Variants in C12orf42 observed in about 807,000 individuals in gnomAD.
C12orf42 encodes chromosome 12 open reading frame 42, also known as uncharacterized protein C12orf42.
In C12orf42, 25 loss-of-function variants were observed where a neutral mutation model predicts 21.6. That is an observed-to-expected ratio of 1.16 (90% confidence interval 0.84 to 1.62). The LOEUF (loss-of-function observed/expected upper bound fraction) is 1.62. Ranked by LOEUF, C12orf42 falls within the 40% of genes most tolerant of loss-of-function variation. C12orf42 has a pLI of 0.00. For missense variants in C12orf42, 483 were observed against 459.3 expected (o/e 1.05, Z -0.47); for synonymous variants, 174 against 175.0 (o/e 0.99, Z 0.05).
the C12orf42 span, among the ~76,000 whole-genome samples, chr12:103,171,997 T>C: frequency 6.6e-6 from 1 of 152,214 alleles, no homozygotes; most frequent in Admixed American, 6.6e-5. Flanking sequence ...AAATGGTTTG[T>C]TTGGAGAACC....
chr12:103,425,774 C>T (rs942300058), intron 2 of C12orf42, among the ~76,000 whole-genome samples: 46 of 152,106 alleles, frequency 3.0e-4, no homozygotes, highest in Non-Finnish European at 6.2e-4. Flanking sequence ...ACTGGAGCTT[C>T]TGCCTTTCTT....
chr12:103,400,048 T>C (rs2047868452), intron 3 of C12orf42, among the ~76,000 whole-genome samples: 1 of 152,146 alleles, frequency 6.6e-6, no homozygotes, highest in South Asian at 2.1e-4. Flanking sequence ...TTTAAAGATA[T>C]ACATCTTAAA....
At chr12:103,552,920 C>T in the C12orf42 span, among the ~76,000 whole-genome samples, 6 of 151,760 alleles carry the variant, frequency 4.0e-5, no homozygotes, top group Admixed American at 3.3e-4. Flanking sequence ...GCAGGGGAAA[C>T]TGCCTTATAA....
the C12orf42 span, among the ~76,000 whole-genome samples, chr12:103,199,619 A>G: frequency 6.6e-6 from 1 of 152,238 alleles, no homozygotes; most frequent in East Asian, 1.9e-4. Context: ...AATAGCAAAA[A>G]AACAAATAAC....
chr12:103,322,460 G>T (rs945417221), intron 4 of C12orf42, among the ~76,000 whole-genome samples: 6 of 152,112 alleles, frequency 3.9e-5, no homozygotes, highest in Non-Finnish European at 7.3e-5. Flanking sequence ...TCACTGCAGA[G>T]GCTACAGTGA....
chr12:103,487,818 C>T (rs1301008703), intron 1 of C12orf42, among the ~76,000 whole-genome samples: 1 of 152,160 alleles, frequency 6.6e-6, no homozygotes, highest in African/African-American at 2.4e-5. Context: ...GTAGATCTTC[C>T]TCCATCCCTT....
chr12:103,284,334 A>G (rs1328753092), intron 4 of C12orf42, among the ~76,000 whole-genome samples: 2 of 152,186 alleles, frequency 1.3e-5, no homozygotes, highest in Admixed American at 6.5e-5. Flanking sequence ...GTTGGGGAAA[A>G]AAAAGCAGAA....
intron 2 of C12orf42, chr12:103,431,195 A>T (rs1434805231): frequency 1.3e-5 from 2 of 152,178 alleles, no homozygotes; most frequent in Admixed American, 6.5e-5. Context: ...CTCCACAGAT[A>T]ATCTTCCAAA....
At chr12:103,062,030 T>A in the C12orf42 span, among the ~76,000 whole-genome samples, 1 of 152,030 alleles carries the variant, frequency 6.6e-6, no homozygotes, top group African/African-American at 2.4e-5. Flanking sequence ...AATTACAATG[T>A]TTACATGCAT....
intron 2 of C12orf42, among the ~76,000 whole-genome samples, chr12:103,443,634 T>G (rs1376572961): frequency 6.6e-6 from 1 of 152,128 alleles, no homozygotes; most frequent in Non-Finnish European, 1.5e-5. Context: ...AAAAATTCTC[T>G]GCAGGTCAAA....
the C12orf42 span, chr12:103,506,303 C>T: frequency 7.8e-6 from 1 of 128,100 alleles, no homozygotes; most frequent in African/African-American, 2.9e-5. Context: ...CACGCCATCC[C>T]ACCACCCCCC....
chr12:103,320,737 A>G (rs78057092), intron 4 of C12orf42, among the ~76,000 whole-genome samples: 1 of 144,086 alleles, frequency 6.9e-6, no homozygotes, highest in African/African-American at 2.8e-5. Flanking sequence ...AAGAGATTTG[A>G]AAAAAAAAAT....
chr12:103,188,419 G>C, the C12orf42 span, among the ~76,000 whole-genome samples: 1 of 151,980 alleles, frequency 6.6e-6, no homozygotes, highest in Non-Finnish European at 1.5e-5. Context: ...CATATTTGTT[G>C]TCTTTTCTTT....
the C12orf42 span, among the ~76,000 whole-genome samples, chr12:103,157,030 G>C: frequency 6.6e-6 from 1 of 152,258 alleles, no homozygotes; most frequent in South Asian, 2.1e-4. Context: ...TCTGGTTCTA[G>C]ATCCTTGAGG....
chr12:103,278,925 G>C (rs141913441), intron 4 of C12orf42, among the ~76,000 whole-genome samples: 109 of 152,240 alleles, frequency 7.2e-4, no homozygotes, highest in African/African-American at 2.6e-3. Context: ...TCTCCTCCCT[G>C]CATCTGAGTT....
At chr12:103,116,486 T>A in the C12orf42 span, among the ~76,000 whole-genome samples, 1 of 151,614 alleles carries the variant, frequency 6.6e-6, no homozygotes, top group Non-Finnish European at 1.5e-5. Context: ...TCCTGGCCAA[T>A]CTTAGTCGTT....
chr12:103,368,417 G>A (rs565852266), intron 4 of C12orf42, among the ~76,000 whole-genome samples: 1 of 151,784 alleles, frequency 6.6e-6, no homozygotes, highest in Non-Finnish European at 1.5e-5. Context: ...AGCAAATGTT[G>A]ACTGGTGTAT....
At chr12:103,191,743 TAAAA>T in the C12orf42 span, among the ~76,000 whole-genome samples, 14 of 122,054 alleles carry the variant, frequency 1.1e-4, no homozygotes, top group African/African-American at 2.5e-4. Context: ...ACTCTGTGTC[TAAAA>T]AAAAAAAAAA....
chr12:103,320,778 C>T (rs1052332263), intron 4 of C12orf42, among the ~76,000 whole-genome samples: 11 of 152,124 alleles, frequency 7.2e-5, no homozygotes, highest in African/African-American at 2.7e-4. Flanking sequence ...AAGCATGTAT[C>T]TCATCTGCTG....
Sources: gnomAD v4.1 joint callset for allele counts (sites outside exome capture counted in the v4.1 genomes callset) on GRCh38, gnomAD v4.1.1 for gene constraint, MANE v1.5 for transcripts, NCBI Gene and HGNC (gene_info 2026-07-23, HGNC 2026-07-21) for gene names.